Variants in GRM7 observed in about 807,000 individuals in gnomAD.
GRM7 encodes metabotropic glutamate receptor 7.
GRM7 carries 35 observed loss-of-function variants against 84.5 expected under a neutral mutation model. The ratio of observed to expected loss-of-function variants is 0.41; its 90% CI spans 0.32 to 0.55. The LOEUF (loss-of-function observed/expected upper bound fraction) is 0.55, where lower values mean the gene tolerates loss of function less well. Ranked by LOEUF, GRM7 falls within the 20% of genes least tolerant of loss-of-function variation. GRM7 has a pLI of 0.19. For synonymous variants in GRM7, 487 were observed against 455.1 expected (o/e 1.07, Z -0.89); for missense variants, 1,003 against 1,194.6 (o/e 0.84, Z 2.36).
intron 2 of GRM7, among the ~76,000 whole-genome samples, chr3:7,251,292 C>A (rs1697976564): frequency 1.3e-5 from 2 of 148,618 alleles, no homozygotes; most frequent in African/African-American, 2.5e-5. Flanking sequence ...GGAAGTAGTT[C>A]AGTTACTTAA....
At chr3:7,029,307 A>C (rs1216511005) in intron 1 of GRM7, among the ~76,000 whole-genome samples, 38 of 107,642 alleles carry the variant, frequency 3.5e-4, no homozygotes, top group South Asian at 7.4e-4. Context: ...GCCTCAAAAA[A>C]AAAAAAACAA....
chr3:7,064,226 G>A (rs1057407807), intron 1 of GRM7, among the ~76,000 whole-genome samples: 6 of 149,678 alleles, frequency 4.0e-5, no homozygotes, highest in East Asian at 2.0e-4. Flanking sequence ...GTCTTTTATC[G>A]CTTGCCCCTT....
At chr3:6,907,477 A>G (rs764213709) in intron 1 of GRM7, among the ~76,000 whole-genome samples, 101 of 152,192 alleles carry the variant, frequency 6.6e-4, no homozygotes, top group Admixed American at 1.8e-3. Flanking sequence ...AAGGTCTAAA[A>G]TCAAAGAACT....
At chr3:6,935,904 C>T (rs1301904602) in intron 1 of GRM7, among the ~76,000 whole-genome samples, 2 of 151,978 alleles carry the variant, frequency 1.3e-5, no homozygotes, top group East Asian at 1.9e-4. Context: ...CCATGTTGGC[C>T]AGCCATGTTG....
rs117540342 is a variant in GRM7 at position 7,260,436 on chromosome 3, A to T, written c.737-38248A>T. 5.2e-4 allele frequency among the ~76,000 whole-genome samples: 79 copies of T among 151,948 alleles called. No homozygotes were observed. In the East Asian group the frequency reaches 0.014, roughly 28 times the overall value. ...TTCTTCCAGTTTCAGTCTTGGGAGG[A>T]TGTAGGTGTCCAGGAATTTATCCGT... On this transcript the variant is annotated intron_variant, in intron 2 of 9. Coordinates refer to ENST00000357716, the MANE Select transcript of GRM7 (RefSeq NM_000844.4).
chr3:7,330,619 T>A (rs909456992), intron 4 of GRM7, among the ~76,000 whole-genome samples: 1 of 152,232 alleles, frequency 6.6e-6, no homozygotes, highest in Non-Finnish European at 1.5e-5. Flanking sequence ...GATGGCTTTA[T>A]AAGGGCTTTC....
intron 2 of GRM7, among the ~76,000 whole-genome samples, chr3:7,186,909 A>G (rs950852703): frequency 2.0e-5 from 3 of 152,154 alleles, no homozygotes; most frequent in Non-Finnish European, 2.9e-5. Flanking sequence ...AATACGTTTC[A>G]TATACATATG....
chr3:7,416,346 C>A (rs59890810), intron 5 of GRM7, among the ~76,000 whole-genome samples: 173 of 152,198 alleles, frequency 1.1e-3, no homozygotes, highest in African/African-American at 4.1e-3. Flanking sequence ...GTAGTGATGA[C>A]CTTCAGGTAT....
intron 1 of GRM7, chr3:6,956,433 C>T (rs1349092004): frequency 2.5e-6 from 1 of 396,514 alleles, no homozygotes; most frequent in Non-Finnish European, 4.9e-6. Context: ...TCAGACCTTT[C>T]TCTCTAAGAC....
chr3:6,917,857 G>A (rs1286268790), intron 1 of GRM7, among the ~76,000 whole-genome samples: 1 of 152,008 alleles, frequency 6.6e-6, no homozygotes, highest in Non-Finnish European at 1.5e-5. Context: ...TCCCTCCATA[G>A]TAAATCAAAA....
chr3:7,563,896 A>G (rs1694145510), intron 7 of GRM7, among the ~76,000 whole-genome samples: 1 of 152,176 alleles, frequency 6.6e-6, no homozygotes, highest in African/African-American at 2.4e-5. Flanking sequence ...ACATTAGGAA[A>G]CACCACTGAT....
At chr3:7,478,720 G>C (rs1165537226) in intron 7 of GRM7, among the ~76,000 whole-genome samples, 1 of 152,166 alleles carries the variant, frequency 6.6e-6, no homozygotes, top group Non-Finnish European at 1.5e-5. Flanking sequence ...AGAGGGATGA[G>C]TAGTCCTAGC....
intron 2 of GRM7, among the ~76,000 whole-genome samples, chr3:7,177,331 C>T (rs1695185849): frequency 1.3e-5 from 2 of 152,166 alleles, no homozygotes; most frequent in Admixed American, 6.5e-5. Context: ...TTATTTTATG[C>T]ACTGGTATTA....
At chr3:7,659,782 T>C (rs968666051) in intron 8 of GRM7, among the ~76,000 whole-genome samples, 3 of 151,936 alleles carry the variant, frequency 2.0e-5, no homozygotes, top group African/African-American at 7.3e-5. Context: ...GGTAAGATGT[T>C]TTAAAAAGGG....
intron 7 of GRM7, among the ~76,000 whole-genome samples, chr3:7,559,004 T>G (rs775656262): frequency 1.3e-5 from 2 of 152,160 alleles, no homozygotes; most frequent in Admixed American, 6.5e-5. Context: ...ATTATTTTGG[T>G]GTTGATTTTG....
intron 8 of GRM7, among the ~76,000 whole-genome samples, chr3:7,613,262 A>G (rs1696928314): frequency 6.6e-6 from 1 of 152,212 alleles, no homozygotes. Context: ...TTATTTTATC[A>G]ATAAGAGATT....
chr3:7,242,771 T>C (rs870440), intron 2 of GRM7, among the ~76,000 whole-genome samples: 125,566 of 152,096 alleles, frequency 0.83, 52,149 homozygotes, highest in East Asian at 0.98. Context: ...CTCTGATCTA[T>C]TCCAGAGCTG....
At chr3:7,347,908 C>T (rs1692963253) in intron 4 of GRM7, among the ~76,000 whole-genome samples, 1 of 152,122 alleles carries the variant, frequency 6.6e-6, no homozygotes, top group South Asian at 2.1e-4. Flanking sequence ...GATCTTTTAT[C>T]TAATAGTTAT....
At chr3:6,905,747 G>T (rs1696552124) in intron 1 of GRM7, among the ~76,000 whole-genome samples, 1 of 152,070 alleles carries the variant, frequency 6.6e-6, no homozygotes, top group Non-Finnish European at 1.5e-5. Context: ...TTTGGTATAT[G>T]GCCTTGGTCA....
Sources: gnomAD v4.1 joint callset for allele counts (sites outside exome capture counted in the v4.1 genomes callset) on GRCh38, gnomAD v4.1.1 for gene constraint, MANE v1.5 for transcripts, NCBI Gene and HGNC (gene_info 2026-07-23, HGNC 2026-07-21) for gene names.